SLC9A9: variants seen among roughly 807,000 people sequenced by gnomAD.
SLC9A9 encodes sodium/hydrogen exchanger 9.
Under a neutral mutation model 77.8 loss-of-function variants are expected in SLC9A9, and 62 were observed. That is an observed-to-expected ratio of 0.80 (90% CI 0.65 to 0.98). The LOEUF is 0.98. SLC9A9 is among the 50% of genes least tolerant of loss of function. The pLI is 0.00. For missense variants in SLC9A9, 775 were observed against 774.9 expected (o/e 1.00, Z 0.00); for synonymous variants, 320 against 283.5 (o/e 1.13, Z -1.29).
chr3:143,336,282 T>C (rs2108459401), intron 14 of SLC9A9, among the ~76,000 whole-genome samples: 1 of 152,272 alleles, frequency 6.6e-6, no homozygotes, highest in East Asian at 1.9e-4. Context: ...CTTTGTGCAC[T>C]GTTGGTGAGA....
chr3:143,673,484 C>G (rs1336906383), intron 5 of SLC9A9, among the ~76,000 whole-genome samples: 1 of 145,406 alleles, frequency 6.9e-6, no homozygotes, highest in African/African-American at 2.6e-5. Context: ...AGGAGTGGAA[C>G]TGGTTTGAAA....
At chr3:143,280,411 GAC>G (rs1938181137) in intron 14 of SLC9A9, among the ~76,000 whole-genome samples, 1 of 149,204 alleles carries the variant, frequency 6.7e-6, no homozygotes, top group African/African-American at 2.6e-5. Flanking sequence ...TCTTTGAGCA[GAC>G]ACAAGGAGAG....
intron 2 of SLC9A9, among the ~76,000 whole-genome samples, chr3:143,820,618 T>C (rs890913068): frequency 3.3e-5 from 5 of 152,126 alleles, no homozygotes; most frequent in African/African-American, 1.2e-4. Context: ...GACATAATCA[T>C]GTGACTTCAG....
intron 9 of SLC9A9, among the ~76,000 whole-genome samples, chr3:143,532,689 G>A (rs575971842): frequency 1.3e-5 from 2 of 152,222 alleles, no homozygotes; most frequent in South Asian, 2.1e-4. Context: ...AAATGTAGCC[G>A]ACATGGGCTA....
chr3:143,277,413 T>G (rs894773630), intron 14 of SLC9A9, among the ~76,000 whole-genome samples: 9 of 152,214 alleles, frequency 5.9e-5, no homozygotes, highest in Non-Finnish European at 2.9e-5. Flanking sequence ...AACAATGCTC[T>G]GAAAACCACT....
intron 2 of SLC9A9, among the ~76,000 whole-genome samples, chr3:143,825,010 A>G (rs1288787821): frequency 6.6e-6 from 1 of 152,222 alleles, no homozygotes; most frequent in Non-Finnish European, 1.5e-5. Context: ...AAGAATTGTC[A>G]TGATAGAGAA....
At chr3:143,576,516 G>C (rs2037362154) in intron 7 of SLC9A9, among the ~76,000 whole-genome samples, 1 of 152,114 alleles carries the variant, frequency 6.6e-6, no homozygotes, top group Non-Finnish European at 1.5e-5. Context: ...AAAGGCTCTG[G>C]CACATGCTAG....
chr3:143,777,159 C>A (rs1435172878), intron 4 of SLC9A9, among the ~76,000 whole-genome samples: 1 of 152,118 alleles, frequency 6.6e-6, no homozygotes, highest in East Asian at 1.9e-4. Flanking sequence ...ATGAATGAAA[C>A]CCCGTTTTAC....
chr3:143,669,086 C>T (rs1261714399), intron 5 of SLC9A9, among the ~76,000 whole-genome samples: 1 of 152,158 alleles, frequency 6.6e-6, no homozygotes, highest in Non-Finnish European at 1.5e-5. Flanking sequence ...ACTGCTGATC[C>T]TGCATTTACA....
At chr3:143,450,289 A>T (rs12490020) in intron 12 of SLC9A9, among the ~76,000 whole-genome samples, 40,511 of 145,526 alleles carry the variant, frequency 0.28, 5,848 homozygotes, top group East Asian at 0.49. Context: ...ATATGCTTTA[A>T]TACAAATTTA....
chr3:143,656,716 A>C (rs1264860203), intron 5 of SLC9A9, among the ~76,000 whole-genome samples: 1 of 152,210 alleles, frequency 6.6e-6, no homozygotes, highest in Admixed American at 6.5e-5. Context: ...CAGCCTTGTC[A>C]AAATGCTGGC....
intron 1 of SLC9A9, among the ~76,000 whole-genome samples, chr3:143,840,334 C>T (rs932550454): frequency 2.7e-4 from 8 of 29,280 alleles, no homozygotes; most frequent in African/African-American, 3.8e-4. Context: ...CTTGGAAAAC[C>T]CAGAAGCATA....
At chr3:143,671,616 G>C (rs1230715286) in intron 5 of SLC9A9, among the ~76,000 whole-genome samples, 8 of 152,184 alleles carry the variant, frequency 5.3e-5, no homozygotes, top group African/African-American at 1.9e-4. Context: ...GAATAGAATT[G>C]AGGTTTATAT....
intron 14 of SLC9A9, among the ~76,000 whole-genome samples, chr3:143,327,141 C>A (rs1375393921): frequency 6.6e-6 from 1 of 152,074 alleles, no homozygotes; most frequent in Non-Finnish European, 1.5e-5. Flanking sequence ...ACTTGTAGAG[C>A]CTCTTTCAAA....
intron 11 of SLC9A9, 22 bp from the exon 12 acceptor site, chr3:143,467,212 G>T: frequency 1.2e-6 from 2 of 1,614,062 alleles, no homozygotes; most frequent in African/African-American, 1.3e-5. Flanking sequence ...AACCAAAGGA[G>T]AAAATAAATG....
intron 6 of SLC9A9, among the ~76,000 whole-genome samples, chr3:143,588,657 G>T (rs1179787659): frequency 6.6e-6 from 1 of 152,216 alleles, no homozygotes; most frequent in African/African-American, 2.4e-5. Flanking sequence ...TGTCAGAATT[G>T]AATTAGTCTG....
At chr3:143,825,576 C>A (rs1823221) in intron 2 of SLC9A9, among the ~76,000 whole-genome samples, 3 of 152,062 alleles carry the variant, frequency 2.0e-5, no homozygotes, top group African/African-American at 7.2e-5. Context: ...ACAATTGAAA[C>A]GAGCTCTGAT....
chr3:143,743,264 TAGA>T (rs1935123809), intron 4 of SLC9A9, among the ~76,000 whole-genome samples: 1 of 147,910 alleles, frequency 6.8e-6, no homozygotes, highest in Non-Finnish European at 1.5e-5. Context: ...GATAGATAGA[TAGA>T]TAGATAGATA....
intron 14 of SLC9A9, 37 bp downstream of exon 14, chr3:143,363,447 C>A: frequency 6.3e-7 from 1 of 1,581,204 alleles, no homozygotes; most frequent in Non-Finnish European, 8.7e-7. Context: ...TCTCTGCCTG[C>A]AGCAGGATCT....
Sources: allele counts gnomAD v4.1 joint callset (sites outside exome capture counted in the v4.1 genomes callset), GRCh38; gene constraint gnomAD v4.1.1; transcripts MANE v1.5; gene names NCBI Gene and HGNC (gene_info 2026-07-23, HGNC 2026-07-21).